CNR2: variants seen among roughly 807,000 people sequenced by gnomAD.
CNR2 encodes cannabinoid receptor 2.
For synonymous variants in CNR2, 172 were observed against 182.2 expected (o/e 0.94, Z 0.45); for missense variants, 379 against 439.9 (o/e 0.86, Z 1.24).
chr1:23,874,641 G>T lies in CNR2; in HGVS notation c.977C>A (p.Ser326Ter). The T allele has an allele frequency of 6.2e-7, 1 of 1,614,118 alleles. No individual in the cohort carries two copies. Among genetic ancestry groups the T allele is most frequent in the South Asian group, 1.1e-5 (1 of 91,070 alleles). ...HWKKCVRGLG[S>*]EAKEEAPRSS... is the part of the protein sequence containing the mutation. Reference sequence around the variant, plus strand: ...TCTCGGGGCTTCTTCTTTTGCCTCTGACCCAAGGCCCCTCACACACTTCTT... The same window carrying T: ...TCTCGGGGCTTCTTCTTTTGCCTCTTACCCAAGGCCCCTCACACACTTCTT... The change falls in exon 2 of 2, where the codon TCA becomes TAA. Residue 326 changes from serine (S) to a stop codon, truncating the protein, a stop_gained. Transcript: ENST00000374472. LOFTEE classifies it low-confidence loss of function (END_TRUNC).
intron 1 of CNR2, chr1:23,901,466 G>C: frequency 6.5e-7 from 1 of 1,539,224 alleles, no homozygotes; most frequent in Non-Finnish European, 8.7e-7. Flanking sequence ...GCCTCCCCGG[G>C]CACCTCAGGC....
rs140482048 is a variant in CNR2, at chr1:23,894,445, A to AAAGGAAGG, written c.-45-18791_-45-18784dup. Among the ~76,000 whole-genome samples, 9 of 81,480 alleles carry AAAGGAAGG rather than the reference A, an allele frequency of 1.1e-4. No homozygotes were observed. The East Asian group carries it at 1.4e-3, about 13-fold the overall frequency. 53.5% of individuals were successfully genotyped at this position (81,480 alleles called of 152,430 possible). A position where few individuals can be genotyped will look rare whatever the true frequency, so the allele number is the denominator to read the frequency against. On this transcript the variant is annotated intron_variant, in intron 1 of 1. Coordinates refer to ENST00000374472, the MANE Select transcript of CNR2 (RefSeq NM_001841.3). ...TCAAAAAAAAAAAATTTTTTTAATAAAAGGAAGGAAGGAAGGAAGGAAGCA... is the reference window on the plus strand; with the variant it reads ...TCAAAAAAAAAAAATTTTTTTAATAAAAGGAAGGAAGGAAGGAAGGAAGGAAGGAAGCA...
intron 1 of CNR2, among the ~76,000 whole-genome samples, chr1:23,894,550 C>T (rs959025630): frequency 2.0e-5 from 3 of 150,794 alleles, no homozygotes; most frequent in Non-Finnish European, 4.4e-5. Flanking sequence ...CACCTGTAAT[C>T]CCAGCACTTT....
chr1:23,909,180 T>G (rs1043755825), intron 1 of CNR2, among the ~76,000 whole-genome samples: 2 of 152,048 alleles, frequency 1.3e-5, no homozygotes, highest in Non-Finnish European at 1.5e-5. Flanking sequence ...TGGCCCTAAC[T>G]CCACTATGCA....
chr1:23,909,478 G>A (rs1467101932), intron 1 of CNR2, among the ~76,000 whole-genome samples: 1 of 152,102 alleles, frequency 6.6e-6, no homozygotes, highest in Non-Finnish European at 1.5e-5. Flanking sequence ...CTTGGGGAGA[G>A]AAAGAGAATT....
intron 1 of CNR2, among the ~76,000 whole-genome samples, chr1:23,903,520 G>A (rs1640438347): frequency 1.3e-5 from 2 of 149,918 alleles, no homozygotes; most frequent in Admixed American, 1.3e-4. Flanking sequence ...GCTACAGCTA[G>A]CCGTGATGTG....
In CNR2 at chr1:23,875,134, C is replaced by T. The variant is rs1240581048; in HGVS notation, c.484G>A (p.Ala162Thr). 6.2e-7 allele frequency: 1 copy of T among 1,610,948 alleles called. No homozygotes were observed. Among genetic ancestry groups the T allele is most frequent in the Admixed American group, 1.7e-5 (1 of 59,832 alleles). ...ATGAGGGGCAGGTAGGAGACTAGTG[C>T]TGAGAGGACCCACATGATGCCCAGG... Reference protein sequence around the residue: ...VTLGIMWVLSALVSYLPLMGW... With the variant: ...VTLGIMWVLSTLVSYLPLMGW... The change falls in exon 2 of 2, where the codon GCA becomes ACA. Residue 162 changes from alanine (A) to threonine (T), a missense_variant. By Grantham distance (58) the Ala-to-Thr change is moderately conservative. Coordinates refer to ENST00000374472, the MANE Select transcript of CNR2 (RefSeq NM_001841.3).
chr1:23,910,654 CAAAAAAAAAAA>C (rs34083515), intron 1 of CNR2, among the ~76,000 whole-genome samples: 20 of 32,194 alleles, frequency 6.2e-4, no homozygotes, highest in South Asian at 4.8e-3. Context: ...AACGCTGTCT[CAAAAAAAAAAA>C]AAAAAAAAAA....
At chr1:23,910,932 T>C (rs1640573181) in intron 1 of CNR2, among the ~76,000 whole-genome samples, 1 of 152,106 alleles carries the variant, frequency 6.6e-6, no homozygotes, top group Non-Finnish European at 1.5e-5. Context: ...CTGGCTCCGC[T>C]ATTCCTTGGC....
At position 23,874,729 on chromosome 1, in the gene CNR2, C is replaced by T. The variant is rs144980121; in HGVS notation, c.889G>A (p.Val297Ile). The T allele has an allele frequency of 6.6e-5, 106 of 1,614,046 alleles. No individual in the cohort carries two copies. The highest frequency in any genetic ancestry group is 8.9e-5 in the Non-Finnish European group (105 of 1,180,038). ...TCTCCACTCCGTAGAGCATAGATGA[C>T]AGGGTTGACCATGGAGTTGATGAGG... ...LCLINSMVNP[V>I]IYALRSGEIR... Residue 297 changes from valine to isoleucine, a missense_variant, in exon 2 of 2, where the codon GTC becomes ATC. Transcript: ENST00000374472.
chr1:23,896,437 G>C (rs1640287748), intron 1 of CNR2, among the ~76,000 whole-genome samples: 1 of 152,254 alleles, frequency 6.6e-6, no homozygotes, highest in African/African-American at 2.4e-5. Context: ...AACTGAGTTA[G>C]CTCAGGCCTA....
At chr1:23,899,189 A>G (rs954457484) in intron 1 of CNR2, among the ~76,000 whole-genome samples, 14 of 152,122 alleles carry the variant, frequency 9.2e-5, no homozygotes, top group African/African-American at 3.1e-4. Flanking sequence ...GCTCAGCTAG[A>G]CTGGATTTGC....
At chr1:23,906,557 T>TC (rs1340947170) in intron 1 of CNR2, among the ~76,000 whole-genome samples, 25 of 150,498 alleles carry the variant, frequency 1.7e-4, no homozygotes, top group Admixed American at 1.1e-3. Flanking sequence ...TTTTTTTTTT[T>TC]TTAGAGATGG....
Position 23,871,668 on chromosome 1 carries a change from C to T in CNR2, c.*2867G>A, listed in dbSNP as rs1639767259. 6.6e-6 allele frequency: 1 copy of T among 152,198 alleles called. No homozygotes were observed. Among genetic ancestry groups the T allele is most frequent in the Non-Finnish European group, 1.5e-5 (1 of 68,054 alleles). 9.4% of individuals were successfully genotyped at this position (152,198 alleles called of 1,614,324 possible). A position where few individuals can be genotyped will look rare whatever the true frequency, so the allele number is the denominator to read the frequency against. ...ACAGCCCAGTGGGTGGACTTTGTTCCTGGGTCTGTACTGAGTTGAATAGTG... is the reference window on the plus strand; with the variant it reads ...ACAGCCCAGTGGGTGGACTTTGTTCTTGGGTCTGTACTGAGTTGAATAGTG... On this transcript the variant is annotated 3_prime_UTR_variant, in exon 2 of 2. Transcript: ENST00000374472.
At chr1:23,887,010 A>G (rs536429298) in intron 1 of CNR2, among the ~76,000 whole-genome samples, 2 of 152,116 alleles carry the variant, frequency 1.3e-5, no homozygotes, top group Non-Finnish European at 2.9e-5. Flanking sequence ...GGTTCAAGTG[A>G]TTCTCCTGCC....
intron 1 of CNR2, among the ~76,000 whole-genome samples, chr1:23,894,062 G>A (rs2148465809): frequency 6.6e-6 from 1 of 151,770 alleles, no homozygotes; most frequent in East Asian, 1.9e-4. Flanking sequence ...TGAAGCTGCA[G>A]TGAGCCGTGA....
At chr1:23,905,475 C>T (rs1238469852) in intron 1 of CNR2, among the ~76,000 whole-genome samples, 1 of 150,810 alleles carries the variant, frequency 6.6e-6, no homozygotes, top group Non-Finnish European at 1.5e-5. Flanking sequence ...CCACCGCGCC[C>T]AGCCATCTTT....
intron 1 of CNR2, among the ~76,000 whole-genome samples, chr1:23,897,481 A>ATTTTTTTTTTTTTTTTTTTTTTTT (rs35662001): frequency 8.0e-5 from 12 of 150,000 alleles, no homozygotes; most frequent in African/African-American, 2.9e-4. Flanking sequence ...TGTTAATAGA[A>ATTTTTTTTTTTTTTTTTTTTTTTT]TTTTTTTTTT....
At chr1:23,895,067 A>C (rs2148466341) in intron 1 of CNR2, among the ~76,000 whole-genome samples, 1 of 152,136 alleles carries the variant, frequency 6.6e-6, no homozygotes, top group East Asian at 1.9e-4. Flanking sequence ...TAAAAATACA[A>C]AAAAATTAAC....
Sources: allele counts gnomAD v4.1 joint callset (sites outside exome capture counted in the v4.1 genomes callset), GRCh38; gene constraint gnomAD v4.1.1; transcripts MANE v1.5; gene names NCBI Gene and HGNC (gene_info 2026-07-23, HGNC 2026-07-21).